Variants in ATP2C1 observed in about 807,000 individuals in gnomAD.
ATP2C1 encodes ATPase secretory pathway Ca2+ transporting 1, also known as calcium-transporting ATPase type 2C member 1.
Under a neutral mutation model 120.5 loss-of-function variants are expected in ATP2C1, and 31 were observed. The observed-to-expected ratio is 0.26, with a 90% confidence interval of 0.19 to 0.35. ATP2C1 has a LOEUF of 0.35. Among genes scored for constraint, ATP2C1 ranks in the 10% least tolerant of loss-of-function variants. The probability of loss-of-function intolerance (pLI) is 1.00; values close to 1 mark genes in which losing one functional copy is unlikely to be tolerated. For synonymous variants in ATP2C1, 351 were observed against 358.7 expected (o/e 0.98, Z 0.24); for missense variants, 731 against 1,107.5 (o/e 0.66, Z 4.83).
At chr3:130,963,660 G>A (rs993517299) in intron 12 of ATP2C1, 11 of 351,102 alleles carry the variant, frequency 3.1e-5, no homozygotes, top group South Asian at 2.9e-4. Flanking sequence ...GTATTTTATA[G>A]ATGAGGACAG....
upstream of ATP2C1, among the ~76,000 whole-genome samples, chr3:130,892,428 T>C (rs1374639714): frequency 1.3e-5 from 2 of 152,236 alleles, no homozygotes; most frequent in Non-Finnish European, 2.9e-5. Context: ...TCACTGACCA[T>C]GCATGCCAGA....
At chr3:130,867,294 T>TCTTCCC (rs2068210125) in intron 1 of ATP2C1, among the ~76,000 whole-genome samples, 1 of 140,884 alleles carries the variant, frequency 7.1e-6, no homozygotes, top group African/African-American at 2.7e-5. Context: ...ATAGAAATGA[T>TCTTCCC]TGTCCCTCTC....
chr3:131,001,948 T>C lies in ATP2C1; in HGVS notation c.*598T>C. 1.0e-6 allele frequency: 1 copy of C among 983,890 alleles called. No individual in the cohort carries two copies. Among genetic ancestry groups the C allele is most frequent in the Non-Finnish European group, 1.2e-6 (1 of 828,168 alleles). 60.9% of individuals were successfully genotyped at this position (983,890 alleles called of 1,614,324 possible). On this transcript the variant is annotated 3_prime_UTR_variant, in exon 28 of 28. Coordinates refer to ENST00000510168, the MANE Select transcript of ATP2C1 (RefSeq NM_001378687.1). Reference sequence around the variant, plus strand: ...ACTGTTCTTTTCTTTCTTTTTGTGATTGAAAAGCCTATACTACAATTTGAA... The same window carrying C: ...ACTGTTCTTTTCTTTCTTTTTGTGACTGAAAAGCCTATACTACAATTTGAA...
intron 26 of ATP2C1, among the ~76,000 whole-genome samples, chr3:131,010,771 G>A (rs1229451339): frequency 6.6e-6 from 1 of 152,136 alleles, no homozygotes; most frequent in Non-Finnish European, 1.5e-5. Context: ...ATATTTGATA[G>A]TGTTGATCTC....
At chr3:130,952,741 CAG>C (rs900833685) in intron 8 of ATP2C1, among the ~76,000 whole-genome samples, 13 of 152,188 alleles carry the variant, frequency 8.5e-5, no homozygotes, top group African/African-American at 3.1e-4. Context: ...TAGTTTCTTA[CAG>C]AGTATCCTAA....
At chr3:130,882,754 G>C (rs1174306084) in intron 1 of ATP2C1, among the ~76,000 whole-genome samples, 1 of 152,104 alleles carries the variant, frequency 6.6e-6, no homozygotes, top group Non-Finnish European at 1.5e-5. Flanking sequence ...AATTTGGTTT[G>C]CTAGTATTTC....
chr3:130,950,190 T>TA (rs2060311813), intron 8 of ATP2C1, among the ~76,000 whole-genome samples: 1 of 152,186 alleles, frequency 6.6e-6, no homozygotes. Context: ...GTTAAATATT[T>TA]AGACTGTGGA....
intron 23 of ATP2C1, among the ~76,000 whole-genome samples, chr3:130,996,435 T>TGGTTGACACATTGTTCAACAC (rs2062625628): frequency 6.6e-6 from 1 of 152,214 alleles, no homozygotes; most frequent in South Asian, 2.1e-4. Flanking sequence ...GTTACCAAAA[T>TGGTTGACACATTGTTCAACAC]ATTGTTGAAA....
chr3:130,881,427 T>C lies in ATP2C1; in HGVS notation c.108+30499T>C, dbSNP rs367681809. Among the ~76,000 whole-genome samples, 75 of 146,988 alleles carry C rather than the reference T, an allele frequency of 5.1e-4. 1 individual carries two copies. In the South Asian group the frequency reaches 0.017, roughly 33 times the overall value. ...AGGCTGGAGCGCAGTGGTGTGAACA[T>C]GGCTCACCACAGCCTTGTCCTCCTG... On this transcript the variant is annotated intron_variant, in intron 1 of 26. Coordinates refer to the ATP2C1 transcript ENST00000504381.
Position 130,894,917 on chromosome 3 carries a change from CT to C in ATP2C1, c.6+144del. ...TGTGAAGTGTCCAAGGATTTGCTTA[CT>C]TAGGGTATCCAGCTTTTATTTTGGT... On this transcript the variant is annotated intron_variant, in intron 2 of 27. Transcript: ENST00000510168. This position sits in a 1 kb window ranked among gnomAD's most constrained non-coding sequence, Gnocchi z 4.5. 1 of 932,778 alleles carries C rather than the reference CT, an allele frequency of 1.1e-6. No homozygotes were observed. The highest frequency in any genetic ancestry group is 1.8e-6 in the Non-Finnish European group (1 of 567,706). 57.8% of individuals were successfully genotyped at this position (932,778 alleles called of 1,614,324 possible). A position where few individuals can be genotyped will look rare whatever the true frequency, so the allele number is the denominator to read the frequency against.
intron 23 of ATP2C1, chr3:130,996,382 T>C: frequency 7.0e-6 from 4 of 573,128 alleles, no homozygotes. Flanking sequence ...CCTCTTGGTA[T>C]CTTTTTCCAA....
chr3:131,014,498 G>T, intron 26 of ATP2C1: 1 of 1,013,564 alleles, frequency 9.9e-7, no homozygotes, highest in Non-Finnish European at 1.4e-6. Context: ...AGCTCTTATT[G>T]CTCTATAATA....
At chr3:130,862,477 G>C (rs974346041) in intron 1 of ATP2C1, among the ~76,000 whole-genome samples, 2 of 152,086 alleles carry the variant, frequency 1.3e-5, no homozygotes, top group Non-Finnish European at 1.5e-5. Context: ...CACCGCACTT[G>C]GCTGATTTTT....
intron 8 of ATP2C1, among the ~76,000 whole-genome samples, chr3:130,951,868 T>C (rs563749036): frequency 6.6e-6 from 1 of 152,186 alleles, no homozygotes; most frequent in African/African-American, 2.4e-5. Flanking sequence ...TTCTGGGAAA[T>C]GCTAGCACAA....
In ATP2C1 at chr3:130,927,651, G is replaced by A. The variant is rs552769794; in HGVS notation, c.7-2765G>A. The A allele has an allele frequency of 3.9e-5, 6 of 152,398 alleles. No individual in the cohort carries two copies. In the East Asian group the frequency reaches 9.6e-4, roughly 24 times the overall value. The allele number at this position is 152,398 out of a possible 1,614,324, so 9.4% of individuals were successfully genotyped here. ...TATGACTGCACCTGGAGTTGATTAG[G>A]CCTGCCTAGGAAAGAAACAGGCAAC... On this transcript the variant is annotated intron_variant, in intron 2 of 27. Coordinates refer to ENST00000510168, the MANE Select transcript of ATP2C1 (RefSeq NM_001378687.1).
chr3:130,996,002 G>A, intron 22 of ATP2C1, 41 bp from the exon 23 acceptor site: 1 of 1,247,550 alleles, frequency 8.0e-7, no homozygotes, highest in Non-Finnish European at 1.2e-6. Context: ...ATTTTTGTAT[G>A]ATAATATTTT....
exon 1 of ATP2C1, chr3:130,850,720 C>G (rs988149268): frequency 3.7e-6 from 2 of 536,172 alleles, no homozygotes. Context: ...AGTTGTCGAG[C>G]TACAAACAAA....
intron 20 of ATP2C1, among the ~76,000 whole-genome samples, chr3:130,983,300 C>T (rs1370691371): frequency 6.6e-6 from 1 of 152,118 alleles, no homozygotes; most frequent in Admixed American, 6.6e-5. Context: ...TTTAAAAATT[C>T]TAATAATTAA....
intron 11 of ATP2C1, 48 bp from the exon 12 acceptor site, chr3:130,959,227 A>C (rs1313689907): frequency 7.3e-7 from 1 of 1,378,092 alleles, no homozygotes; most frequent in Admixed American, 1.7e-5. Flanking sequence ...TGTTCCTTCT[A>C]GGTGATTGTA....
Sources: gnomAD v4.1 joint callset for allele counts (sites outside exome capture counted in the v4.1 genomes callset) on GRCh38, gnomAD v4.1.1 for gene constraint, Gnocchi (gnomAD v3.1) non-coding constraint, MANE v1.5 for transcripts, NCBI Gene and HGNC (gene_info 2026-07-23, HGNC 2026-07-21) for gene names.